The following CREM variants were observed in gnomAD, a reference collection of about 807,000 sequenced individuals.
The protein encoded by CREM is cAMP-responsive element modulator.
CREM carries 13 observed loss-of-function variants against 37.3 expected under a neutral mutation model. The ratio of observed to expected loss-of-function variants is 0.35; its 90% CI spans 0.23 to 0.55. CREM has a LOEUF of 0.55. Among genes scored for constraint, CREM ranks in the 20% least tolerant of loss-of-function variants. The pLI is 0.88. For missense variants in CREM, 296 were observed against 362.3 expected (o/e 0.82, Z 1.49); for synonymous variants, 124 against 120.2 (o/e 1.03, Z -0.21).
chr10:35,174,059 G>GT lies in CREM; in HGVS notation c.169-4825dup, dbSNP rs766886237. Among the ~76,000 whole-genome samples the GT allele has an allele frequency of 2.8e-4, 43 of 152,292 alleles. No individual in the cohort carries two copies. The East Asian group carries it at 2.9e-3, about 10-fold the overall frequency. The stretch of plus-strand genomic sequence containing the variant: ...TCTACTGGTTCCATAATGGGAGGAT[G>GT]TTTTTCTTTTCCCTGGAATCTAAAC... On this transcript the variant is annotated intron_variant, in intron 3 of 7. Coordinates refer to ENST00000685392, the MANE Select transcript of CREM (RefSeq NM_183011.2).
chr10:35,194,097 CAA>C (rs371978117), intron 6 of CREM, among the ~76,000 whole-genome samples: 168 of 25,030 alleles, frequency 6.7e-3, no homozygotes, highest in African/African-American at 0.026. Context: ...GACTTCATCT[CAA>C]AAAAAAAAAA....
intron 6 of CREM, chr10:35,196,068 C>T (rs781459306): frequency 6.2e-7 from 1 of 1,614,150 alleles, no homozygotes; most frequent in Non-Finnish European, 8.5e-7. Flanking sequence ...AATGCATGAA[C>T]AGAACTCAGG....
chr10:35,142,048 G>C (rs2091503916), intron 2 of CREM, among the ~76,000 whole-genome samples: 2 of 152,198 alleles, frequency 1.3e-5, no homozygotes, highest in Admixed American at 1.3e-4. Context: ...TTTAGAGGTA[G>C]AAACCTCTCT....
intron 1 of CREM, among the ~76,000 whole-genome samples, chr10:35,130,747 G>C (rs1442947834): frequency 1.3e-5 from 2 of 152,206 alleles, no homozygotes; most frequent in African/African-American, 4.8e-5. Flanking sequence ...GGAGCAACAG[G>C]CTATCCCATT....
intron 3 of CREM, chr10:35,154,067 A>G: frequency 5.0e-6 from 2 of 398,420 alleles, no homozygotes; most frequent in Non-Finnish European, 8.9e-6. Flanking sequence ...TAAGTGCACA[A>G]TGTGTAAGGA....
At chr10:35,209,996 G>T (rs536980103) in intron 7 of CREM, among the ~76,000 whole-genome samples, 1 of 151,790 alleles carries the variant, frequency 6.6e-6, no homozygotes, top group East Asian at 1.9e-4. Context: ...TGGATTGAAG[G>T]TTCTTCTTTG....
chr10:35,191,289 TTTATC>T (rs1320679953), intron 6 of CREM, among the ~76,000 whole-genome samples: 2 of 152,146 alleles, frequency 1.3e-5, no homozygotes, highest in African/African-American at 4.8e-5. Context: ...AAGTCGATCT[TTTATC>T]TATTAACTTT....
chr10:35,148,549 C>A, intron 3 of CREM, 58 bp downstream of exon 3: 4 of 1,546,592 alleles, frequency 2.6e-6, no homozygotes, highest in Non-Finnish European at 3.5e-6. Context: ...GAATTAGGTG[C>A]AGATTCTGTT....
chr10:35,193,533 T>C (rs2095008415), intron 6 of CREM, among the ~76,000 whole-genome samples: 1 of 152,036 alleles, frequency 6.6e-6, no homozygotes, highest in Admixed American at 6.6e-5. Flanking sequence ...CAGCAAAGAG[T>C]CCCTGCTGGA....
At chr10:35,187,101 A>T (rs867380214) in intron 5 of CREM, among the ~76,000 whole-genome samples, 3 of 69,448 alleles carry the variant, frequency 4.3e-5, no homozygotes, top group African/African-American at 1.7e-4. Context: ...AATATATATG[A>T]TATATATTAT....
chr10:35,182,157 C>T (rs564456293), intron 5 of CREM, among the ~76,000 whole-genome samples: 17 of 152,264 alleles, frequency 1.1e-4, no homozygotes, highest in South Asian at 1.0e-3. Context: ...TTTTAGAAGA[C>T]GTTTACTTTA....
At chr10:35,186,603 T>C (rs2094560597) in intron 5 of CREM, among the ~76,000 whole-genome samples, 1 of 145,642 alleles carries the variant, frequency 6.9e-6, no homozygotes, top group African/African-American at 2.5e-5. Flanking sequence ...TATGTTTTTA[T>C]ATATATTTAT....
intron 3 of CREM, among the ~76,000 whole-genome samples, chr10:35,155,505 A>C (rs750900230): frequency 6.6e-6 from 1 of 152,202 alleles, no homozygotes; most frequent in South Asian, 2.1e-4. Context: ...TGTGTCTTTT[A>C]CCACAATAAA....
In CREM at chr10:35,195,183, G is replaced by A. The variant is rs756869684; in HGVS notation, c.598+6795G>A. 10 of 1,613,714 alleles carry A rather than the reference G, an allele frequency of 6.2e-6. No individual in the cohort carries two copies. The Admixed American group carries it at 1.7e-4, about 27-fold the overall frequency. ...AAACAAGACAGTTCTGTCTGCAGAA[G>A]CCCATTATGGCTGTAACTGGAGATG... On this transcript the variant is annotated intron_variant, in intron 6 of 7. Transcript: ENST00000685392.
rs1331425727 is a variant in CREM, at chr10:35,179,225, G to T, written c.358G>T (p.Ala120Ser). ...SEEEGTPPSI[A>S]TMAVPTSIYQ... ...GGAAGAAGGAACACCACCTAGTATTGCTACCATGGCAGTACCAACTAGCAT... is the reference window on the plus strand; with the variant it reads ...GGAAGAAGGAACACCACCTAGTATTTCTACCATGGCAGTACCAACTAGCAT... The change falls in exon 5 of 8, where the codon GCT becomes TCT. Residue 120 changes from alanine to serine, a missense_variant. By Grantham distance (99) the Ala-to-Ser change is moderately conservative (BLOSUM62 1). Coordinates refer to ENST00000685392, the MANE Select transcript of CREM (RefSeq NM_183011.2). The T allele has an allele frequency of 6.2e-7, 1 of 1,614,074 alleles. No individual in the cohort carries two copies. Among genetic ancestry groups the T allele is most frequent in the Admixed American group, 1.7e-5 (1 of 60,024 alleles).
chr10:35,131,217 A>G (rs1219828854), intron 1 of CREM, among the ~76,000 whole-genome samples: 1 of 152,246 alleles, frequency 6.6e-6, no homozygotes, highest in Non-Finnish European at 1.5e-5. Flanking sequence ...CCATTTAAAT[A>G]TCAAGATACT....
intron 1 of CREM, among the ~76,000 whole-genome samples, chr10:35,132,822 C>G (rs1191008081): frequency 6.6e-6 from 1 of 152,188 alleles, no homozygotes. Flanking sequence ...ACTAGTCCCA[C>G]CTTCTCTTAA....
At chr10:35,148,882 C>T (rs1252854610) in intron 3 of CREM, among the ~76,000 whole-genome samples, 2 of 152,062 alleles carry the variant, frequency 1.3e-5, no homozygotes, top group African/African-American at 4.8e-5. Flanking sequence ...AGTTAGGTCT[C>T]GAACTTTGAA....
At chr10:35,142,214 A>G (rs2091529353) in intron 2 of CREM, among the ~76,000 whole-genome samples, 1 of 152,198 alleles carries the variant, frequency 6.6e-6, no homozygotes, top group Non-Finnish European at 1.5e-5. Context: ...CTATGTGTAT[A>G]AGTTGTGAGA....
Sources: gnomAD v4.1 joint callset for allele counts (sites outside exome capture counted in the v4.1 genomes callset) on GRCh38, gnomAD v4.1.1 for gene constraint, MANE v1.5 for transcripts, NCBI Gene and HGNC (gene_info 2026-07-23, HGNC 2026-07-21) for gene names.